CDH4: variants seen among roughly 807,000 people sequenced by gnomAD.
CDH4 encodes cadherin 4.
CDH4 carries 33 observed loss-of-function variants against 86.0 expected under a neutral mutation model. The ratio of observed to expected loss-of-function variants is 0.38; its 90% CI spans 0.29 to 0.51. The LOEUF is 0.51. CDH4 is among the 20% of genes least tolerant of loss of function. The pLI, the probability that CDH4 is intolerant of heterozygous loss-of-function variation, is 0.86. For missense variants in CDH4, 1,114 were observed against 1,307.4 expected (o/e 0.85, Z 2.28); for synonymous variants, 555 against 549.4 (o/e 1.01, Z -0.14).
At chr20:61,884,736 G>A (rs919418826) in intron 7 of CDH4, among the ~76,000 whole-genome samples, 1 of 152,182 alleles carries the variant, frequency 6.6e-6, no homozygotes, top group African/African-American at 2.4e-5. Flanking sequence ...AAATTCACCT[G>A]GACAGGTGGA....
In CDH4 at chr20:61,582,833, G is replaced by A. The variant is rs939829008; in HGVS notation, c.170-160730G>A. Among the ~76,000 whole-genome samples, 2 of 152,142 alleles carry A rather than the reference G, an allele frequency of 1.3e-5. No individual in the cohort carries two copies. The highest frequency in any genetic ancestry group is 2.4e-5 in the African/African-American group (1 of 41,436). On this transcript the variant is annotated intron_variant, in intron 2 of 15. Coordinates refer to ENST00000614565, the MANE Select transcript of CDH4 (RefSeq NM_001794.5). This position sits in a 1 kb window ranked among gnomAD's most constrained non-coding sequence, Gnocchi z 4.2. The stretch of plus-strand genomic sequence containing the variant: ...ACTCATCTAAGCTGTGCAAATCAAC[G>A]ATGTCTACATTCAGAGTTGTGCAGC...
chr20:61,294,111 A>G (rs114693369), intron 2 of CDH4, among the ~76,000 whole-genome samples: 2,481 of 152,258 alleles, frequency 0.016, 77 homozygotes, highest in African/African-American at 0.057. Flanking sequence ...CAGAGAACCC[A>G]CGTCCTCATG....
intron 8 of CDH4, among the ~76,000 whole-genome samples, chr20:61,896,114 G>C (rs1414491381): frequency 2.0e-5 from 3 of 152,236 alleles, no homozygotes; most frequent in African/African-American, 7.2e-5. Context: ...TGGCACACCA[G>C]CTGCATCTGT....
rs188062891 is a variant in CDH4 at position 61,491,897 on chromosome 20, T to G, written c.169+236960T>G. Reference sequence around the variant, plus strand: ...ATGGTATTGATGTTGGTGTTGTCAATATTATTGATGCTGGTGGTACTGATG... The same window carrying G: ...ATGGTATTGATGTTGGTGTTGTCAAGATTATTGATGCTGGTGGTACTGATG... On this transcript the variant is annotated intron_variant, in intron 2 of 15. Transcript: ENST00000614565. 1.9e-3 allele frequency among the ~76,000 whole-genome samples: 282 copies of G among 152,244 alleles called. 2 individuals carry two copies. The highest frequency in any genetic ancestry group is 6.4e-3 in the African/African-American group (267 of 41,552).
chr20:61,731,161 C>T (rs1359803705), intron 2 of CDH4, among the ~76,000 whole-genome samples: 1 of 152,084 alleles, frequency 6.6e-6, no homozygotes, highest in Non-Finnish European at 1.5e-5. Flanking sequence ...TCCGAGTCCC[C>T]CCCTCAGCCC....
chr20:61,885,398 T>C (rs1265384873), intron 7 of CDH4, among the ~76,000 whole-genome samples: 1 of 152,222 alleles, frequency 6.6e-6, no homozygotes, highest in Non-Finnish European at 1.5e-5. Flanking sequence ...GTGGGCTCCT[T>C]CCATGCATGG....
chr20:61,653,319 G>C (rs1484566929), intron 2 of CDH4, among the ~76,000 whole-genome samples: 2 of 135,296 alleles, frequency 1.5e-5, no homozygotes, highest in South Asian at 4.7e-4. Flanking sequence ...AAAATGAAAA[G>C]TCTCCCATGT....
At chr20:61,490,591 C>T (rs1048254429) in intron 2 of CDH4, among the ~76,000 whole-genome samples, 3 of 151,852 alleles carry the variant, frequency 2.0e-5, no homozygotes, top group Admixed American at 6.6e-5. Flanking sequence ...CCCAGCTACT[C>T]GGGAGGCTGA....
Position 61,377,990 on chromosome 20 carries a change from A to G in CDH4, c.169+123053A>G, listed in dbSNP as rs1219296284. ...ACTGGGAGGCTGGGTGTGGTGGCTC[A>G]CACCTGTAATTCCAACACTTTGAGA... On this transcript the variant is annotated intron_variant, in intron 2 of 15. Transcript: ENST00000614565. This position sits in a 1 kb window ranked among gnomAD's most constrained non-coding sequence, Gnocchi z 4.0. Among the ~76,000 whole-genome samples the G allele has an allele frequency of 6.6e-6, 1 of 152,240 alleles. No individual in the cohort carries two copies. The highest frequency in any genetic ancestry group is 1.5e-5 in the Non-Finnish European group (1 of 68,042).
At chr20:61,895,475 G>A (rs1039998472) in intron 8 of CDH4, among the ~76,000 whole-genome samples, 1 of 152,238 alleles carries the variant, frequency 6.6e-6, no homozygotes, top group African/African-American at 2.4e-5. Context: ...GCAGAAAGGG[G>A]GTTGTGACTG....
intron 6 of CDH4, among the ~76,000 whole-genome samples, chr20:61,868,641 AGCGGTGTCCTCCATGCTGG>A (rs1983656803): frequency 6.6e-6 from 1 of 151,686 alleles, no homozygotes; most frequent in South Asian, 2.1e-4. Context: ...CTCCATGCTA[AGCGGTGTCCTCCATGCTGG>A]GCGGATGTCC....
At chr20:61,570,738 C>T (rs1460093239) in intron 2 of CDH4, 12 of 702,238 alleles carry the variant, frequency 1.7e-5, no homozygotes, top group Non-Finnish European at 2.6e-5. Context: ...AGGGAAAATG[C>T]AGGAGGTAAG....
At chr20:61,668,072 T>C (rs1029287224) in intron 2 of CDH4, among the ~76,000 whole-genome samples, 4 of 152,178 alleles carry the variant, frequency 2.6e-5, no homozygotes, top group Non-Finnish European at 5.9e-5. Context: ...AGAGTGAGCA[T>C]TCCTAATTTG....
chr20:61,284,487 A>G (rs2084282491), intron 2 of CDH4, among the ~76,000 whole-genome samples: 2 of 152,178 alleles, frequency 1.3e-5, no homozygotes, highest in African/African-American at 4.8e-5. Context: ...CAGCCACATC[A>G]CAGAGGTCAC....
chr20:61,873,302 TGCCTGAGTCCCTTCCTTTAA>T (rs1983882817), intron 6 of CDH4, among the ~76,000 whole-genome samples: 1 of 152,228 alleles, frequency 6.6e-6, no homozygotes, highest in African/African-American at 2.4e-5. Flanking sequence ...CCTGCTTCAG[TGCCTGAGTCCCTTCCTTTAA>T]GCCCAACCAC....
At chr20:61,560,231 G>A (rs544057011) in intron 2 of CDH4, among the ~76,000 whole-genome samples, 1 of 152,198 alleles carries the variant, frequency 6.6e-6, no homozygotes, top group South Asian at 2.1e-4. Flanking sequence ...TCAAGGCCCG[G>A]GTAGCAGATT....
At chr20:61,654,882 G>A (rs963391335) in intron 2 of CDH4, among the ~76,000 whole-genome samples, 3 of 152,188 alleles carry the variant, frequency 2.0e-5, no homozygotes, top group Non-Finnish European at 4.4e-5. Context: ...CCTCTGAGAC[G>A]GGCAGACCCA....
chr20:61,778,451 C>T (rs976801597), intron 4 of CDH4, among the ~76,000 whole-genome samples: 7 of 152,274 alleles, frequency 4.6e-5, no homozygotes, highest in Admixed American at 2.6e-4. Context: ...AGGAATATCA[C>T]GTCTCTTCCT....
chr20:61,375,052 T>C (rs2084859270), intron 2 of CDH4, among the ~76,000 whole-genome samples: 1 of 152,216 alleles, frequency 6.6e-6, no homozygotes, highest in Non-Finnish European at 1.5e-5. Flanking sequence ...AATGTCTTTC[T>C]TCAAGGTATT....
Sources: gnomAD v4.1 joint callset for allele counts (sites outside exome capture counted in the v4.1 genomes callset) on GRCh38, gnomAD v4.1.1 for gene constraint, Gnocchi (gnomAD v3.1) non-coding constraint, MANE v1.5 for transcripts, NCBI Gene and HGNC (gene_info 2026-07-23, HGNC 2026-07-21) for gene names.